Variants in FRMD6 observed in about 807,000 individuals in gnomAD.
FRMD6 encodes the protein FERM domain containing 6, also known as FERM domain-containing protein 6.
FRMD6 carries 37 observed loss-of-function variants against 73.2 expected under a neutral mutation model. That is an observed-to-expected ratio of 0.51 (90% CI 0.39 to 0.66). FRMD6 has a LOEUF of 0.66. Among genes scored for constraint, FRMD6 ranks in the 30% least tolerant of loss-of-function variants. FRMD6 has a pLI of 0.00. For synonymous variants in FRMD6, 273 were observed against 282.2 expected (o/e 0.97, Z 0.33); for missense variants, 714 against 780.5 (o/e 0.91, Z 1.02).
the FRMD6 span, among the ~76,000 whole-genome samples, chr14:51,469,023 C>T: frequency 6.6e-6 from 1 of 152,058 alleles, no homozygotes; most frequent in Admixed American, 6.5e-5. Context: ...TCACTGCAAG[C>T]TTTGCCTCCC....
At chr14:51,521,022 C>T (rs757441922) in intron 1 of FRMD6, among the ~76,000 whole-genome samples, 12 of 152,204 alleles carry the variant, frequency 7.9e-5, no homozygotes, top group Non-Finnish European at 1.0e-4. Flanking sequence ...TGCAAAAGAA[C>T]GTACATTTTA....
the FRMD6 span, among the ~76,000 whole-genome samples, chr14:51,470,725 A>G: frequency 6.6e-6 from 1 of 152,160 alleles, no homozygotes. Flanking sequence ...AGTTCAAAAC[A>G]TTTCTTAGTT....
chr14:51,694,529 T>A (rs1401357406), intron 2 of FRMD6, among the ~76,000 whole-genome samples: 1 of 151,996 alleles, frequency 6.6e-6, no homozygotes, highest in African/African-American at 2.4e-5. Flanking sequence ...TGTCTCTACA[T>A]AAAATTTAAA....
chr14:51,585,776 T>C (rs999996625), intron 2 of FRMD6, among the ~76,000 whole-genome samples: 1 of 151,604 alleles, frequency 6.6e-6, no homozygotes, highest in Admixed American at 6.6e-5. Context: ...ATACCTATTA[T>C]TTACCTCCCA....
chr14:51,441,585 G>C, the FRMD6 span, among the ~76,000 whole-genome samples: 1 of 152,200 alleles, frequency 6.6e-6, no homozygotes, highest in Non-Finnish European at 1.5e-5. Context: ...TCCTTACTAG[G>C]AGCCTTGGTC....
At chr14:51,546,150 A>C (rs1886453420) in intron 1 of FRMD6, among the ~76,000 whole-genome samples, 1 of 152,180 alleles carries the variant, frequency 6.6e-6, no homozygotes, top group South Asian at 2.1e-4. Flanking sequence ...TTCCTGACAC[A>C]CATTATCTTA....
At chr14:51,501,417 G>C (rs1456068396) in intron 1 of FRMD6, among the ~76,000 whole-genome samples, 1 of 151,974 alleles carries the variant, frequency 6.6e-6, no homozygotes, top group Non-Finnish European at 1.5e-5. Flanking sequence ...CCCACCATGT[G>C]CCCATGCATT....
intron 1 of FRMD6, among the ~76,000 whole-genome samples, chr14:51,564,398 C>G (rs1178256603): frequency 6.6e-6 from 1 of 152,102 alleles, no homozygotes; most frequent in African/African-American, 2.4e-5. Flanking sequence ...AGACCAAAAT[C>G]TCTTTTTTAA....
At chr14:51,537,519 C>T (rs1416373565) in intron 1 of FRMD6, among the ~76,000 whole-genome samples, 2 of 152,260 alleles carry the variant, frequency 1.3e-5, no homozygotes, top group African/African-American at 2.4e-5. Context: ...GGGTCAATCC[C>T]GTGGAGTGTG....
chr14:51,398,413 T>C, the FRMD6 span, among the ~76,000 whole-genome samples: 1 of 152,182 alleles, frequency 6.6e-6, no homozygotes, highest in Non-Finnish European at 1.5e-5. Flanking sequence ...CTATTCTTGG[T>C]GGTAAAATGC....
At chr14:51,473,551 A>T in the FRMD6 span, among the ~76,000 whole-genome samples, 1 of 152,164 alleles carries the variant, frequency 6.6e-6, no homozygotes, top group Non-Finnish European at 1.5e-5. Context: ...AGGAAATTTG[A>T]ACAGATTGAA....
chr14:51,435,123 C>T, the FRMD6 span, among the ~76,000 whole-genome samples: 1 of 152,186 alleles, frequency 6.6e-6, no homozygotes, highest in Non-Finnish European at 1.5e-5. Context: ...ATTATTTCAA[C>T]AGCGTCTACG....
At chr14:51,640,096 T>C (rs1566520129) in intron 2 of FRMD6, among the ~76,000 whole-genome samples, 1 of 152,196 alleles carries the variant, frequency 6.6e-6, no homozygotes, top group Non-Finnish European at 1.5e-5. Flanking sequence ...AAATTAATAA[T>C]TACAGTTTTA....
At chr14:51,499,152 C>T (rs1189419779) in intron 1 of FRMD6, among the ~76,000 whole-genome samples, 6 of 152,204 alleles carry the variant, frequency 3.9e-5, no homozygotes, top group Admixed American at 6.5e-5. Flanking sequence ...CAATAGATAA[C>T]GTTCAATAAA....
At chr14:51,414,120 G>A in the FRMD6 span, among the ~76,000 whole-genome samples, 5 of 152,118 alleles carry the variant, frequency 3.3e-5, no homozygotes, top group Non-Finnish European at 7.3e-5. Flanking sequence ...TCACTCTGAT[G>A]GTAGTTTCTT....
the FRMD6 span, among the ~76,000 whole-genome samples, chr14:51,439,187 CA>C: frequency 6.6e-6 from 1 of 152,206 alleles, no homozygotes; most frequent in South Asian, 2.1e-4. Context: ...ATCCCACCAA[CA>C]GGCAAAAGTG....
At chr14:51,722,177 T>G in intron 12 of FRMD6, 97 bp downstream of exon 12, 96 of 1,263,984 alleles carry the variant, frequency 7.6e-5, no homozygotes, top group Non-Finnish European at 9.6e-5. Context: ...CTGGGGGCCC[T>G]AGACCAGAGA....
the FRMD6 span, among the ~76,000 whole-genome samples, chr14:51,411,162 G>GGCTAATGACCTA: frequency 6.6e-6 from 1 of 152,124 alleles, no homozygotes; most frequent in East Asian, 1.9e-4. Flanking sequence ...TCCACAGGCT[G>GGCTAATGACCTA]GCTAATGACC....
the FRMD6 span, among the ~76,000 whole-genome samples, chr14:51,441,415 C>A: frequency 6.6e-6 from 1 of 152,254 alleles, no homozygotes; most frequent in Non-Finnish European, 1.5e-5. Flanking sequence ...CACTTTCACT[C>A]TGCTTAGCAT....
Sources: allele counts gnomAD v4.1 joint callset (sites outside exome capture counted in the v4.1 genomes callset), GRCh38; gene constraint gnomAD v4.1.1; transcripts MANE v1.5; gene names NCBI Gene and HGNC (gene_info 2026-07-23, HGNC 2026-07-21).